The following ERRFI1 variants were observed in gnomAD, a reference collection of about 807,000 sequenced individuals.
ERRFI1 encodes the protein ERBB receptor feedback inhibitor 1, also known as mitogen-inducible gene 6 protein.
Under a neutral mutation model 14.6 loss-of-function variants are expected in ERRFI1, and 12 were observed. That is an observed-to-expected ratio of 0.82 (90% CI 0.53 to 1.33). The LOEUF (loss-of-function observed/expected upper bound fraction) is 1.33. Ranked by LOEUF, ERRFI1 falls within the 40% of genes most tolerant of loss-of-function variation. The pLI is 0.00. For synonymous variants in ERRFI1, 202 were observed against 209.9 expected (o/e 0.96, Z 0.32); for missense variants, 482 against 572.1 (o/e 0.84, Z 1.61).
intron 2 of ERRFI1, 41 bp downstream of exon 2, chr1:8,015,454 A>G (rs1641159613): frequency 1.2e-6 from 2 of 1,613,976 alleles, no homozygotes; most frequent in Non-Finnish European, 8.5e-7. Context: ...TTAGTGTCAC[A>G]TATTTATCCA....
chr1:8,016,050 T>TA (rs1402791499), intron 1 of ERRFI1, among the ~76,000 whole-genome samples: 12 of 152,170 alleles, frequency 7.9e-5, no homozygotes, highest in Non-Finnish European at 8.8e-5. Flanking sequence ...CCTTCTAAGT[T>TA]ACGGCTGCAC....
Position 8,013,367 on chromosome 1 carries a change from A to C in ERRFI1, c.1232T>G (p.Phe411Cys), listed in dbSNP as rs1187045234. The stretch of plus-strand genomic sequence containing the variant: ...TCCATTTGTTTCTTCTGCTTCCCTA[A>C]AAAATTTTTCATATTTGTCCAGGTA... ...PPYLDKYEKF[F>C]REAEETNGGA... Residue 411 changes from phenylalanine (F) to cysteine (C), a missense_variant, in exon 4 of 4, where the codon TTT becomes TGT. Phe to Cys is a radical substitution (Grantham distance 205, BLOSUM62 -2). Transcript: ENST00000377482. The surrounding 1 kb of genome is among the most constrained non-coding windows in gnomAD (Gnocchi z 4.3). The C allele has an allele frequency of 6.2e-7, 1 of 1,614,058 alleles. No individual in the cohort carries two copies. The highest frequency in any genetic ancestry group is 8.5e-7 in the Non-Finnish European group (1 of 1,180,058).
intron 1 of ERRFI1, among the ~76,000 whole-genome samples, chr1:8,018,941 A>G (rs1641237883): frequency 6.6e-6 from 1 of 152,130 alleles, no homozygotes; most frequent in South Asian, 2.1e-4. Flanking sequence ...GCCCTCTGGC[A>G]TCTCAAACTC....
At chr1:8,024,305 G>C (rs1430010377) in intron 1 of ERRFI1, among the ~76,000 whole-genome samples, 1 of 152,192 alleles carries the variant, frequency 6.6e-6, no homozygotes, top group Non-Finnish European at 1.5e-5. Context: ...ATTGTGAACT[G>C]CAAGTAGGAA....
intron 1 of ERRFI1, among the ~76,000 whole-genome samples, chr1:8,018,322 TTCTC>T (rs965682950): frequency 1.5e-5 from 2 of 132,426 alleles, no homozygotes; most frequent in African/African-American, 2.9e-5. Context: ...ACCTGAAACT[TTCTC>T]TCTCTCTAAA....
rs1329402235 is a variant in ERRFI1 at position 8,014,251 on chromosome 1, C to T, written c.348G>A (p.Lys116=). The stretch of plus-strand genomic sequence containing the variant: ...CACAAACCCCATTCACTGTGAGTTT[C>T]TTAAAACCACATACAACTTGATCCT... ...HEEDQVVCGF[K]KLTVNGVCAS... is the part of the protein sequence containing the mutation. Residue 116 remains lysine (K), a synonymous_variant, in exon 4 of 4, where the codon AAG becomes AAA. Transcript: ENST00000377482. 6.2e-7 allele frequency: 1 copy of T among 1,614,142 alleles called. No individual in the cohort carries two copies. Among genetic ancestry groups the T allele is most frequent in the Admixed American group, 1.7e-5 (1 of 59,998 alleles).
intron 1 of ERRFI1, among the ~76,000 whole-genome samples, chr1:8,018,593 G>C (rs1452801954): frequency 2.0e-5 from 3 of 152,138 alleles, no homozygotes; most frequent in Non-Finnish European, 4.4e-5. Flanking sequence ...ATAGGAAAGC[G>C]AATGTGAATC....
Position 8,015,332 on chromosome 1 carries a change from C to T in ERRFI1, c.178G>A (p.Ala60Thr). 1 of 1,614,118 alleles carries T rather than the reference C, an allele frequency of 6.2e-7. No homozygotes were observed. The highest frequency in any genetic ancestry group is 8.5e-7 in the Non-Finnish European group (1 of 1,179,972). ...CCAAGTGGTATTAGGCGCTCCTGAG[C>T]AGAAGAGTTCAGACTGTAGGCCATG... ...ITMAYSLNSS[A>T]QERLIPLGHA... Residue 60 changes from alanine (A) to threonine (T), a missense_variant, in exon 3 of 4, where the codon GCT becomes ACT. Physicochemically the swap from Ala to Thr is moderately conservative, Grantham distance 58. Coordinates refer to ENST00000377482, the MANE Select transcript of ERRFI1 (RefSeq NM_018948.4).
rs751917577 is a variant in ERRFI1 at position 8,013,809 on chromosome 1, T to A, written c.790A>T (p.Ile264Leu). The A allele has an allele frequency of 1.9e-5, 31 of 1,614,152 alleles. No individual in the cohort carries two copies. Among genetic ancestry groups the A allele is most frequent in the Non-Finnish European group, 2.6e-5 (31 of 1,180,024 alleles). ...AGSFNKPAIRISNCCIHRASP... is the reference protein window; with the variant it reads ...AGSFNKPAIRLSNCCIHRASP... ...GCTCTGTGTATACAACAGTTGGATA[T>A]CCTTATGGCTGGCTTGTTAAAGGAG... Residue 264 changes from isoleucine (I) to leucine (L), a missense_variant, in exon 4 of 4, where the codon ATA (isoleucine) becomes TTA (leucine). Ile to Leu is a conservative substitution (Grantham distance 5). Coordinates refer to ENST00000377482, the MANE Select transcript of ERRFI1 (RefSeq NM_018948.4). This position sits in a 1 kb window ranked among gnomAD's most constrained non-coding sequence, Gnocchi z 4.3.
intron 3 of ERRFI1, chr1:8,014,995 G>T: frequency 3.3e-6 from 1 of 304,482 alleles, no homozygotes. Context: ...AAGAAAGGTG[G>T]GAAATCTCGC....
rs1641144942 is a variant in ERRFI1 at position 8,014,561 on chromosome 1, G to C, written c.203-165C>G. 8.1e-6 allele frequency: 5 copies of C among 617,040 alleles called. No homozygotes were observed. In the East Asian group the frequency reaches 1.4e-4, roughly 17 times the overall value. 38.2% of individuals were successfully genotyped at this position (617,040 alleles called of 1,614,324 possible). ...CATGCAACCACCACAGGTGTAATTA[G>C]AGAGCAGAAGATTCTTAACGCACAT... On this transcript the variant is annotated intron_variant, in intron 3 of 3. Coordinates refer to ENST00000377482, the MANE Select transcript of ERRFI1 (RefSeq NM_018948.4).
chr1:8,025,486 T>TA (rs1239230536), intron 1 of ERRFI1, among the ~76,000 whole-genome samples: 1 of 152,152 alleles, frequency 6.6e-6, no homozygotes, highest in African/African-American at 2.4e-5. Flanking sequence ...AATTTTTAAA[T>TA]ACTGATTTCG....
chr1:8,024,704 TTTG>T (rs1295578998), intron 1 of ERRFI1, among the ~76,000 whole-genome samples: 2 of 152,208 alleles, frequency 1.3e-5, no homozygotes, highest in East Asian at 3.8e-4. Context: ...TGCTAAATCC[TTTG>T]TTATTTTTCT....
At chr1:8,019,665 G>C (rs1304757803) in intron 1 of ERRFI1, among the ~76,000 whole-genome samples, 4 of 152,174 alleles carry the variant, frequency 2.6e-5, no homozygotes, top group Non-Finnish European at 5.9e-5. Context: ...GGGAGAAGCA[G>C]ATTTATAAAG....
intron 1 of ERRFI1, among the ~76,000 whole-genome samples, chr1:8,023,617 G>C (rs1641302571): frequency 6.6e-6 from 1 of 152,278 alleles, no homozygotes; most frequent in Admixed American, 6.5e-5. Context: ...ATTGAGACCT[G>C]GAAGAGTGGT....
chr1:8,020,523 AAAACAAAC>A (rs774745078), intron 1 of ERRFI1, among the ~76,000 whole-genome samples: 1 of 151,532 alleles, frequency 6.6e-6, no homozygotes, highest in Non-Finnish European at 1.5e-5. Context: ...TGAGGAAATT[AAAACAAAC>A]AAACAAACAA....
Position 8,023,098 on chromosome 1 carries a change from A to G in ERRFI1, c.-74+3060T>C, listed in dbSNP as rs530543773. ...AAAGGCTGAAAAAGAGGCAGCCCTG[A>G]TAAGAGTCAGAAGACAATTCTACTG... On this transcript the variant is annotated intron_variant, in intron 1 of 3. Coordinates refer to ENST00000377482, the MANE Select transcript of ERRFI1 (RefSeq NM_018948.4). 1.2e-4 allele frequency among the ~76,000 whole-genome samples: 18 copies of G among 152,340 alleles called. No individual in the cohort carries two copies. In the South Asian group the frequency reaches 3.3e-3, roughly 28 times the overall value.
At chr1:8,017,819 C>CT (rs2124070230) in intron 1 of ERRFI1, among the ~76,000 whole-genome samples, 1 of 152,318 alleles carries the variant, frequency 6.6e-6, no homozygotes, top group Non-Finnish European at 1.5e-5. Context: ...TGTCAGCCTC[C>CT]TAATGCCATC....
chr1:8,023,222 C>T (rs9660239), intron 1 of ERRFI1, among the ~76,000 whole-genome samples: 7,966 of 152,244 alleles, frequency 0.052, 690 homozygotes, highest in African/African-American at 0.18. Flanking sequence ...TCCTTACCTT[C>T]CTATTGTTTC....
Sources: gnomAD v4.1 joint callset for allele counts (sites outside exome capture counted in the v4.1 genomes callset) on GRCh38, gnomAD v4.1.1 for gene constraint, Gnocchi (gnomAD v3.1) non-coding constraint, MANE v1.5 for transcripts, NCBI Gene and HGNC (gene_info 2026-07-23, HGNC 2026-07-21) for gene names.